Variants in MOXD1 observed in about 807,000 individuals in gnomAD.
MOXD1 encodes the protein monooxygenase DBH like 1.
MOXD1 carries 62 observed loss-of-function variants against 66.6 expected under a neutral mutation model. The observed-to-expected ratio is 0.93, with a 90% confidence interval of 0.76 to 1.15. The LOEUF (loss-of-function observed/expected upper bound fraction) is 1.15. MOXD1 is among the 50% of genes most tolerant of loss of function. The pLI is 0.00. For synonymous variants in MOXD1, 303 were observed against 281.9 expected, an observed-to-expected ratio of 1.07 and a Z score of -0.75; for missense variants, 847 against 754.6, an observed-to-expected ratio of 1.12 and a Z score of -1.44.
intron 1 of MOXD1, among the ~76,000 whole-genome samples, chr6:132,386,282 G>C (rs1480693819): frequency 6.8e-6 from 1 of 146,098 alleles, no homozygotes; most frequent in Non-Finnish European, 1.5e-5. Context: ...GGCGCCTGTA[G>C]TCCCAGCTAC....
chr6:132,349,471 A>G (rs1463225772), intron 4 of MOXD1, among the ~76,000 whole-genome samples: 13 of 33,764 alleles, frequency 3.9e-4, no homozygotes, highest in Non-Finnish European at 7.0e-4. Flanking sequence ...ATATACATAT[A>G]TATATATATA....
chr6:132,399,413 TA>T (rs2114704160), intron 1 of MOXD1, among the ~76,000 whole-genome samples: 1 of 152,376 alleles, frequency 6.6e-6, no homozygotes, highest in Admixed American at 6.5e-5. Flanking sequence ...GTGTATTCAC[TA>T]ATTACTTTAA....
intron 10 of MOXD1, among the ~76,000 whole-genome samples, chr6:132,311,668 A>G (rs1473457212): frequency 6.6e-6 from 1 of 152,056 alleles, no homozygotes; most frequent in Non-Finnish European, 1.5e-5. Context: ...TCTTTCTAAT[A>G]AGTTAAAACA....
At chr6:132,371,230 G>A (rs1437536229) in intron 4 of MOXD1, among the ~76,000 whole-genome samples, 1 of 152,048 alleles carries the variant, frequency 6.6e-6, no homozygotes, top group Admixed American at 6.6e-5. Flanking sequence ...ACTTTTCATT[G>A]GTACAAGGGA....
intron 4 of MOXD1, among the ~76,000 whole-genome samples, chr6:132,342,138 G>A (rs947003785): frequency 1.3e-5 from 2 of 152,112 alleles, no homozygotes; most frequent in African/African-American, 4.8e-5. Context: ...AAGTAGCTGG[G>A]ATTAGAGGCA....
intron 10 of MOXD1, among the ~76,000 whole-genome samples, chr6:132,299,190 C>T (rs1038144034): frequency 2.0e-5 from 3 of 152,098 alleles, no homozygotes; most frequent in South Asian, 2.1e-4. Flanking sequence ...AACCAAAAAC[C>T]GCGTGTTCTC....
At chr6:132,395,086 C>T (rs1271750373) in intron 1 of MOXD1, among the ~76,000 whole-genome samples, 9 of 151,976 alleles carry the variant, frequency 5.9e-5, no homozygotes, top group Admixed American at 3.9e-4. Flanking sequence ...TATAAAGGTA[C>T]GTCTGTCAGA....
intron 4 of MOXD1, among the ~76,000 whole-genome samples, chr6:132,363,328 T>C (rs2114645257): frequency 6.6e-6 from 1 of 152,196 alleles, no homozygotes; most frequent in East Asian, 1.9e-4. Flanking sequence ...TCCAAGCTCA[T>C]CAAATGGTAC....
chr6:132,377,714 G>T (rs1005080071), intron 1 of MOXD1, among the ~76,000 whole-genome samples: 13 of 152,166 alleles, frequency 8.5e-5, no homozygotes, highest in African/African-American at 3.1e-4. Context: ...CCGGAAAAAA[G>T]AAGCAGTTGT....
At chr6:132,401,101 C>G in intron 1 of MOXD1, 62 bp downstream of exon 1, 1 of 1,408,250 alleles carries the variant, frequency 7.1e-7, no homozygotes, top group African/African-American at 1.5e-5. Flanking sequence ...CACCTGCGCC[C>G]TCTCTGGGGT....
At chr6:132,328,790 G>T (rs539560928) in intron 4 of MOXD1, among the ~76,000 whole-genome samples, 196 bp from the exon 5 acceptor site, 173 of 152,228 alleles carry the variant, frequency 1.1e-3, no homozygotes, top group African/African-American at 4.1e-3. Flanking sequence ...GATGACAACG[G>T]CAACAACAAA....
intron 4 of MOXD1, among the ~76,000 whole-genome samples, chr6:132,371,184 G>T (rs1176147700): frequency 6.6e-6 from 1 of 152,092 alleles, no homozygotes; most frequent in Non-Finnish European, 1.5e-5. Flanking sequence ...ATGACATACA[G>T]TACATATAAA....
At chr6:132,357,622 A>G (rs1409662815) in intron 4 of MOXD1, among the ~76,000 whole-genome samples, 2 of 152,128 alleles carry the variant, frequency 1.3e-5, no homozygotes, top group Admixed American at 6.5e-5. Flanking sequence ...AGAAAAGTCA[A>G]TGAAATCAAA....
At chr6:132,328,281 C>A (rs796930954) in intron 5 of MOXD1, 134 bp downstream of exon 5, 5 of 1,271,574 alleles carry the variant, frequency 3.9e-6, no homozygotes, top group Admixed American at 2.6e-5. Context: ...TCCCTTCCTA[C>A]GAAAATGGAG....
intron 10 of MOXD1, among the ~76,000 whole-genome samples, chr6:132,308,298 C>T (rs1171335672): frequency 6.6e-6 from 1 of 152,156 alleles, no homozygotes; most frequent in Non-Finnish European, 1.5e-5. Flanking sequence ...TGGACACATA[C>T]ACCTTCCCAA....
chr6:132,307,194 GA>G (rs200923999), intron 10 of MOXD1, among the ~76,000 whole-genome samples: 6 of 149,958 alleles, frequency 4.0e-5, no homozygotes, highest in African/African-American at 7.3e-5. Flanking sequence ...CAAATTGAAA[GA>G]AAAAAAAAGC....
At chr6:132,354,479 G>T (rs1775869400) in intron 4 of MOXD1, among the ~76,000 whole-genome samples, 2 of 152,246 alleles carry the variant, frequency 1.3e-5, no homozygotes, top group African/African-American at 2.4e-5. Flanking sequence ...ACTGGGGTTT[G>T]TCTGCACAGA....
intron 4 of MOXD1, among the ~76,000 whole-genome samples, chr6:132,339,668 A>G (rs1775509183): frequency 6.6e-6 from 1 of 152,186 alleles, no homozygotes; most frequent in Admixed American, 6.5e-5. Context: ...CCTTGATATG[A>G]GCTGAAATTG....
chr6:132,346,617 C>T (rs566380662), intron 4 of MOXD1, among the ~76,000 whole-genome samples: 96 of 152,268 alleles, frequency 6.3e-4, no homozygotes, highest in African/African-American at 2.3e-3. Context: ...TCTGTTCTAT[C>T]TGGTAATGAA....
Sources: gnomAD v4.1 joint callset for allele counts (sites outside exome capture counted in the v4.1 genomes callset) on GRCh38, gnomAD v4.1.1 for gene constraint, MANE v1.5 for transcripts, NCBI Gene and HGNC (gene_info 2026-07-23, HGNC 2026-07-21) for gene names.